The following SGCZ variants were observed in gnomAD, a reference collection of about 807,000 sequenced individuals.
The protein encoded by SGCZ is zeta-sarcoglycan.
A neutral mutation model predicts 41.3 loss-of-function variants in SGCZ; 40 were observed. That is an observed-to-expected ratio of 0.97 (90% CI 0.75 to 1.26). The LOEUF (loss-of-function observed/expected upper bound fraction) is 1.26. Among genes scored for constraint, SGCZ ranks in the 50% most tolerant of loss-of-function variants. The probability of loss-of-function intolerance (pLI) is 0.00; values close to 1 mark genes in which losing one functional copy is unlikely to be tolerated. For synonymous variants in SGCZ, 206 were observed against 137.5 expected (o/e 1.50, Z -3.49); for missense variants, 552 against 369.8 (o/e 1.49, Z -4.04).
intron 3 of SGCZ, among the ~76,000 whole-genome samples, chr8:14,322,923 A>G (rs1167444757): frequency 6.6e-6 from 1 of 152,174 alleles, no homozygotes; most frequent in African/African-American, 2.4e-5. Flanking sequence ...AAAACAAAAT[A>G]AAGCAAAAGA....
At chr8:15,136,022 G>C (rs951265935) in intron 1 of SGCZ, among the ~76,000 whole-genome samples, 1 of 152,126 alleles carries the variant, frequency 6.6e-6, no homozygotes, top group African/African-American at 2.4e-5. Flanking sequence ...GCCATGGAAA[G>C]GGGCAACAGC....
rs185901724 is a variant in SGCZ at position 14,540,775 on chromosome 8, G to T, written c.234+13957C>A. On this transcript the variant is annotated intron_variant, in intron 2 of 7. Coordinates refer to ENST00000382080, the MANE Select transcript of SGCZ (RefSeq NM_139167.4). Reference sequence around the variant, plus strand: ...AAATAATTATATTATCTCATGGAAAGAATTTTTATCCTCATAAGTAGTACA... The same window carrying T: ...AAATAATTATATTATCTCATGGAAATAATTTTTATCCTCATAAGTAGTACA... 9.2e-5 allele frequency among the ~76,000 whole-genome samples: 14 copies of T among 151,800 alleles called. No homozygotes were observed. The East Asian group carries it at 2.7e-3, about 30-fold the overall frequency.
chr8:14,737,853 T>C (rs1047191298), intron 1 of SGCZ, among the ~76,000 whole-genome samples: 2 of 152,130 alleles, frequency 1.3e-5, no homozygotes, highest in African/African-American at 4.8e-5. Flanking sequence ...TAACAACATA[T>C]GATTTTAGGT....
chr8:14,578,087 T>C (rs942767347), intron 1 of SGCZ, among the ~76,000 whole-genome samples: 5 of 152,206 alleles, frequency 3.3e-5, no homozygotes, highest in African/African-American at 1.2e-4. Flanking sequence ...ACCTTGAACA[T>C]TGAGGCCTAT....
intron 1 of SGCZ, among the ~76,000 whole-genome samples, chr8:14,861,523 G>A (rs1727395778): frequency 6.6e-6 from 1 of 152,040 alleles, no homozygotes; most frequent in Admixed American, 6.6e-5. Flanking sequence ...AACTGGCATT[G>A]CATGACATAA....
At chr8:15,028,478 T>C (rs1488292094) in intron 1 of SGCZ, among the ~76,000 whole-genome samples, 2 of 148,106 alleles carry the variant, frequency 1.4e-5, no homozygotes, top group South Asian at 2.1e-4. Flanking sequence ...ATCGTCTAAG[T>C]TGAAGTCAGT....
chr8:15,221,415 C>T lies in SGCZ; in HGVS notation c.39+16170G>A, dbSNP rs138152780. On this transcript the variant is annotated intron_variant, in intron 1 of 7. Transcript: ENST00000382080. Reference sequence around the variant, plus strand: ...AACTCTTTCTCTCATCTCTGATCTGCCTCATTCTTCTTCAGCAGCAGGTGG... The same window carrying T: ...AACTCTTTCTCTCATCTCTGATCTGTCTCATTCTTCTTCAGCAGCAGGTGG... 7.9e-5 allele frequency among the ~76,000 whole-genome samples: 12 copies of T among 152,214 alleles called. No individual in the cohort carries two copies. In the East Asian group the frequency reaches 2.3e-3, roughly 29 times the overall value.
chr8:14,586,424 G>A (rs1237294941), intron 1 of SGCZ, among the ~76,000 whole-genome samples: 1 of 152,074 alleles, frequency 6.6e-6, no homozygotes, highest in Non-Finnish European at 1.5e-5. Context: ...ATGTTGGCCA[G>A]GCTGGTCTTG....
intron 1 of SGCZ, among the ~76,000 whole-genome samples, chr8:15,181,840 A>T (rs1015115542): frequency 2.0e-5 from 3 of 152,208 alleles, no homozygotes; most frequent in Admixed American, 6.5e-5. Context: ...ATTTAGATTT[A>T]GAGGAAAAAA....
At chr8:15,145,130 T>C (rs1430639279) in intron 1 of SGCZ, among the ~76,000 whole-genome samples, 5 of 152,214 alleles carry the variant, frequency 3.3e-5, no homozygotes, top group African/African-American at 4.8e-5. Context: ...AGCCCTGCCG[T>C]ATCGCCTCAG....
chr8:14,473,145 A>G (rs1258422524), intron 2 of SGCZ, among the ~76,000 whole-genome samples: 1 of 152,216 alleles, frequency 6.6e-6, no homozygotes, highest in Non-Finnish European at 1.5e-5. Context: ...ATTAAAATCT[A>G]TAATAAAATT....
chr8:15,212,713 G>C (rs1427530281), intron 1 of SGCZ, among the ~76,000 whole-genome samples: 1 of 151,724 alleles, frequency 6.6e-6, no homozygotes, highest in East Asian at 1.9e-4. Flanking sequence ...AGTCCTTAGA[G>C]GTAAAGCAGA....
chr8:15,150,506 C>G (rs1799148301), intron 1 of SGCZ, among the ~76,000 whole-genome samples: 1 of 152,150 alleles, frequency 6.6e-6, no homozygotes, highest in South Asian at 2.1e-4. Flanking sequence ...CTAATTCCCC[C>G]TCCCTACTCA....
At chr8:14,229,910 G>A (rs972121470) in intron 4 of SGCZ, among the ~76,000 whole-genome samples, 3 of 152,184 alleles carry the variant, frequency 2.0e-5, no homozygotes, top group African/African-American at 4.8e-5. Flanking sequence ...AAAATAAGCC[G>A]ATTGGACTTA....
chr8:15,025,783 T>G (rs982948580), intron 1 of SGCZ, among the ~76,000 whole-genome samples: 15 of 152,188 alleles, frequency 9.9e-5, no homozygotes, highest in Non-Finnish European at 1.9e-4. Flanking sequence ...AGATTATACA[T>G]AGATATTTAT....
At chr8:14,401,067 GTAAT>G (rs980380605) in intron 2 of SGCZ, among the ~76,000 whole-genome samples, 1 of 152,100 alleles carries the variant, frequency 6.6e-6, no homozygotes, top group African/African-American at 2.4e-5. Flanking sequence ...ACCTCCCTGT[GTAAT>G]TAATGGAAGG....
At chr8:14,808,425 C>T (rs1308212528) in intron 1 of SGCZ, among the ~76,000 whole-genome samples, 7 of 152,076 alleles carry the variant, frequency 4.6e-5, no homozygotes, top group Non-Finnish European at 7.4e-5. Flanking sequence ...GGGCAAAGGA[C>T]GTGAACAGAC....
intron 1 of SGCZ, among the ~76,000 whole-genome samples, chr8:15,178,064 C>G (rs998742228): frequency 6.6e-6 from 1 of 152,154 alleles, no homozygotes; most frequent in African/African-American, 2.4e-5. Flanking sequence ...TGTAAACATT[C>G]CACTCTGAAT....
chr8:14,253,976 G>A (rs77688943), intron 3 of SGCZ, among the ~76,000 whole-genome samples: 1 of 151,732 alleles, frequency 6.6e-6, no homozygotes, highest in Non-Finnish European at 1.5e-5. Context: ...GCAATCTGAA[G>A]AACAAACATA....
Sources: gnomAD v4.1 joint callset for allele counts (sites outside exome capture counted in the v4.1 genomes callset) on GRCh38, gnomAD v4.1.1 for gene constraint, MANE v1.5 for transcripts, NCBI Gene and HGNC (gene_info 2026-07-23, HGNC 2026-07-21) for gene names.